Variants in PHLPP1 observed in about 807,000 individuals in gnomAD.
PHLPP1 encodes PH domain and leucine rich repeat protein phosphatase 1, also known as PH domain leucine-rich repeat-containing protein phosphatase 1.
In PHLPP1, 42 loss-of-function variants were observed where a neutral mutation model predicts 117.2. That is an observed-to-expected ratio of 0.36 (90% CI 0.28 to 0.46). PHLPP1 has a LOEUF of 0.46. PHLPP1 is among the 20% of genes least tolerant of loss of function. The probability of loss-of-function intolerance (pLI) is 1.00; values close to 1 mark genes in which losing one functional copy is unlikely to be tolerated. For missense variants in PHLPP1, 2,084 were observed against 2,241.9 expected (o/e 0.93, Z 1.42); for synonymous variants, 1,042 against 970.7 (o/e 1.07, Z -1.37).
intron 2 of PHLPP1, among the ~76,000 whole-genome samples, chr18:62,834,214 G>A (rs1361760470): frequency 6.6e-6 from 1 of 152,030 alleles, no homozygotes. Context: ...GGTAATTGGA[G>A]CATCATTCAT....
chr18:62,823,051 G>C (rs994952210), intron 1 of PHLPP1, among the ~76,000 whole-genome samples: 2 of 152,160 alleles, frequency 1.3e-5, no homozygotes, highest in African/African-American at 2.4e-5. Flanking sequence ...AGACTTAAAT[G>C]TAAGAATTAG....
chr18:62,809,186 T>G (rs1914042393), intron 1 of PHLPP1, among the ~76,000 whole-genome samples: 1 of 152,188 alleles, frequency 6.6e-6, no homozygotes, highest in African/African-American at 2.4e-5. Flanking sequence ...AAAAAATAAC[T>G]GAATGTTCTA....
Position 62,958,768 on chromosome 18 carries a change from T to C in PHLPP1, c.3455+9T>C. The C allele has an allele frequency of 1.2e-6, 2 of 1,613,890 alleles. No individual in the cohort carries two copies. Among genetic ancestry groups the C allele is most frequent in the South Asian group, 1.1e-5 (1 of 91,080 alleles). ...ACCCTGGAACTACTGAAGTAAGTAT[T>C]CTGTAAAGCACTGTATCCCCATCAT... On this transcript the variant is annotated intron_variant, in intron 13 of 16. Coordinates refer to ENST00000262719, the MANE Select transcript of PHLPP1 (RefSeq NM_194449.4).
Position 62,979,143 on chromosome 18 carries a change from G to A in PHLPP1, c.4866G>A (p.Arg1622=), listed in dbSNP as rs1599151911. The stretch of plus-strand genomic sequence containing the variant: ...CCGTTGGGACCATTGGGCGCCGGAG[G>A]GCCAATGGCTCTGTTGCGCCCCAGG... ...FSAVGTIGRR[R]ANGSVAPQER... is the part of the protein sequence containing the mutation. The change falls in exon 17 of 17, where the codon AGG becomes AGA. Residue 1622 remains arginine (R), a synonymous_variant. Transcript: ENST00000262719. The A allele has an allele frequency of 6.2e-7, 1 of 1,613,944 alleles. No homozygotes were observed. The highest frequency in any genetic ancestry group is 1.3e-5 in the African/African-American group (1 of 75,044).
At chr18:62,870,393 C>T (rs898279153) in intron 4 of PHLPP1, among the ~76,000 whole-genome samples, 3 of 152,152 alleles carry the variant, frequency 2.0e-5, no homozygotes, top group African/African-American at 7.2e-5. Flanking sequence ...CATGTTAGTA[C>T]TGCAGAAAGC....
At chr18:62,765,856 G>A (rs1001831925) in intron 1 of PHLPP1, among the ~76,000 whole-genome samples, 1 of 150,692 alleles carries the variant, frequency 6.6e-6, no homozygotes, top group Non-Finnish European at 1.5e-5. Context: ...AAATTAGCTG[G>A]GTGTGGTGGC....
intron 3 of PHLPP1, among the ~76,000 whole-genome samples, chr18:62,847,398 T>C (rs1161059437): frequency 2.0e-5 from 3 of 152,192 alleles, no homozygotes; most frequent in Non-Finnish European, 4.4e-5. Flanking sequence ...GTGTTCTTGG[T>C]GGAACTCTGG....
chr18:62,971,459 TG>T (rs1911046330), intron 14 of PHLPP1, among the ~76,000 whole-genome samples: 1 of 152,008 alleles, frequency 6.6e-6, no homozygotes, highest in Non-Finnish European at 1.5e-5. Context: ...CTTTTGAGTT[TG>T]GAGTGGAGAC....
intron 3 of PHLPP1, among the ~76,000 whole-genome samples, chr18:62,845,651 C>T (rs1034896088): frequency 5.9e-5 from 9 of 152,212 alleles, no homozygotes; most frequent in African/African-American, 1.4e-4. Context: ...ATGACTTAGA[C>T]GTCTTTTACC....
Position 62,830,168 on chromosome 18 carries a change from A to C in PHLPP1, c.1710A>C (p.Ile570=), listed in dbSNP as rs371805903. The C allele has an allele frequency of 3.8e-6, 6 of 1,595,662 alleles. No individual in the cohort carries two copies. The African/African-American group carries it at 6.7e-5, about 18-fold the overall frequency. The change falls in exon 2 of 17, where the codon ATA becomes ATC. Residue 570 remains isoleucine (I), a synonymous_variant. Coordinates refer to ENST00000262719, the MANE Select transcript of PHLPP1 (RefSeq NM_194449.4). ...RQVILCGTCL[I]VSSVKDSLTG... is the part of the protein sequence containing the mutation. ...TCATCCTATGTGGGACCTGCCTGATAGTATCATCTGTGAAAGACAGCTTGA... is the reference window on the plus strand; with the variant it reads ...TCATCCTATGTGGGACCTGCCTGATCGTATCATCTGTGAAAGACAGCTTGA...
At chr18:62,806,831 C>T (rs1480006351) in intron 1 of PHLPP1, among the ~76,000 whole-genome samples, 1 of 151,684 alleles carries the variant, frequency 6.6e-6, no homozygotes, top group Non-Finnish European at 1.5e-5. Context: ...GTTTTGTTTT[C>T]CTTTTAAATT....
At chr18:62,912,085 A>C (rs1916965001) in intron 8 of PHLPP1, among the ~76,000 whole-genome samples, 1 of 118,090 alleles carries the variant, frequency 8.5e-6, no homozygotes, top group Non-Finnish European at 1.7e-5. Context: ...TCTCACTCAT[A>C]GGTGGGAATT....
intron 1 of PHLPP1, among the ~76,000 whole-genome samples, chr18:62,787,161 C>G (rs1179560829): frequency 6.6e-6 from 1 of 151,542 alleles, no homozygotes; most frequent in Non-Finnish European, 1.5e-5. Flanking sequence ...TTTTTTTTCT[C>G]TCTTTTCTTT....
chr18:62,955,348 G>A (rs768554637), intron 12 of PHLPP1, among the ~76,000 whole-genome samples: 3 of 152,156 alleles, frequency 2.0e-5, no homozygotes, highest in South Asian at 2.1e-4. Flanking sequence ...GCAGGCTGAC[G>A]GACTGAAGCT....
Position 62,902,259 on chromosome 18 carries a change from T to C in PHLPP1, c.2445-705T>C, listed in dbSNP as rs1392109926. Among the ~76,000 whole-genome samples the C allele has an allele frequency of 2.0e-5, 3 of 152,322 alleles. No individual in the cohort carries two copies. The East Asian group carries it at 5.8e-4, about 29-fold the overall frequency. ...GTTGGTTCCCATTTTTGTCCGGCAT[T>C]CTAAGATTTCTCAATGGATTCTAGA... On this transcript the variant is annotated intron_variant, in intron 6 of 16. Transcript: ENST00000262719.
In PHLPP1 at chr18:62,717,374, CTT is replaced by C. The variant is rs1034075110; in HGVS notation, c.1576+117_1576+118del. 6.6e-6 allele frequency: 9 copies of C among 1,372,446 alleles called. No individual in the cohort carries two copies. In the African/African-American group the frequency reaches 7.3e-5, roughly 11 times the overall value. The allele number at this position is 1,372,446 out of a possible 1,614,324, so 85.0% of individuals were successfully genotyped here. On this transcript the variant is annotated intron_variant, in intron 1 of 16. Coordinates refer to ENST00000262719, the MANE Select transcript of PHLPP1 (RefSeq NM_194449.4). Reference sequence around the variant, plus strand: ...AGAGTAAGTGCGGGTCCTGATGAGTCTTTGTCTTAAACTTTACAGCTTTTTCA... The same window carrying C: ...AGAGTAAGTGCGGGTCCTGATGAGTCTGTCTTAAACTTTACAGCTTTTTCA...
chr18:62,893,730 TTCTTA>T (rs752082685), intron 4 of PHLPP1, among the ~76,000 whole-genome samples: 59 of 152,308 alleles, frequency 3.9e-4, no homozygotes, highest in South Asian at 1.2e-3. Context: ...ACTAATATGA[TTCTTA>T]TCTTACTTAG....
chr18:62,724,769 A>G (rs368176815), intron 1 of PHLPP1, among the ~76,000 whole-genome samples: 1 of 152,208 alleles, frequency 6.6e-6, no homozygotes, highest in African/African-American at 2.4e-5. Flanking sequence ...GAGGGGTTGC[A>G]TATCACTTTG....
chr18:62,720,975 G>A (rs138359414), intron 1 of PHLPP1, among the ~76,000 whole-genome samples: 3 of 152,140 alleles, frequency 2.0e-5, no homozygotes, highest in Non-Finnish European at 4.4e-5. Context: ...TTCCGTCCTC[G>A]GGAGGGCGGA....
Sources: allele counts gnomAD v4.1 joint callset (sites outside exome capture counted in the v4.1 genomes callset), GRCh38; gene constraint gnomAD v4.1.1; transcripts MANE v1.5; gene names NCBI Gene and HGNC (gene_info 2026-07-23, HGNC 2026-07-21).